The following SOCS6 variants were observed in gnomAD, a reference collection of about 807,000 sequenced individuals.
SOCS6 encodes STAT induced STAT inhibitor-4.
In SOCS6, 5 loss-of-function variants were observed where a neutral mutation model predicts 27.7. The ratio of observed to expected loss-of-function variants is 0.18; its 90% CI spans 0.09 to 0.38. SOCS6 has a LOEUF of 0.38. Ranked by LOEUF, SOCS6 falls within the 10% of genes least tolerant of loss-of-function variation. The pLI, the probability that SOCS6 is intolerant of heterozygous loss-of-function variation, is 1.00. For synonymous variants in SOCS6, 271 were observed against 260.0 expected (o/e 1.04, Z -0.41); for missense variants, 595 against 688.1 (o/e 0.86, Z 1.51).
chr18:70,309,306 G>A (rs11877812), intron 1 of SOCS6, among the ~76,000 whole-genome samples: 3,961 of 152,070 alleles, frequency 0.026, 197 homozygotes, highest in African/African-American at 0.089. Flanking sequence ...GCTGAATTTT[G>A]CCTGTGAACT....
intron 1 of SOCS6, chr18:70,296,729 G>A (rs2062324451): frequency 6.6e-6 from 1 of 152,168 alleles, no homozygotes; most frequent in African/African-American, 2.4e-5. Flanking sequence ...GGACTTTTGT[G>A]TTATTGCCTA....
intron 1 of SOCS6, among the ~76,000 whole-genome samples, chr18:70,290,159 A>G (rs2062292565): frequency 6.6e-6 from 1 of 152,222 alleles, no homozygotes; most frequent in Non-Finnish European, 1.5e-5. Flanking sequence ...AGAACACAGT[A>G]ATGACAGAAA....
At chr18:70,308,456 A>G (rs1274975028) in intron 1 of SOCS6, among the ~76,000 whole-genome samples, 1 of 151,270 alleles carries the variant, frequency 6.6e-6, no homozygotes, top group Non-Finnish European at 1.5e-5. Context: ...TCCTGGGCTC[A>G]TGTGATCCTC....
chr18:70,325,814 A>G lies in SOCS6; in HGVS notation c.1146A>G (p.Gln382=), dbSNP rs1449974294. 6.2e-7 allele frequency: 1 copy of G among 1,614,250 alleles called. No individual in the cohort carries two copies. The highest frequency in any genetic ancestry group is 8.5e-7 in the Non-Finnish European group (1 of 1,180,034). The part of the protein sequence containing the change: ...LTEELKKLAK[Q]GWYWGPITRW... ...AGGAGCTGAAAAAACTTGCAAAGCA[A>G]GGATGGTACTGGGGACCAATCACAC... The change falls in exon 2 of 2, where the codon CAA becomes CAG. Residue 382 remains glutamine (Q), a synonymous_variant. Coordinates refer to ENST00000397942, the MANE Select transcript of SOCS6 (RefSeq NM_004232.4). The surrounding 1 kb of genome is among the most constrained non-coding windows in gnomAD (Gnocchi z 6.3).
rs1911083401 is a variant in SOCS6, at chr18:70,323,862, G to A, written c.-126-681G>A. On this transcript the variant is annotated intron_variant, in intron 1 of 1. Transcript: ENST00000397942. ...ACAGGCTGGGACATGGCAGGCAGCG[G>A]AGGAGCAGTCGGAGTCAGTGCTGAA... Among the ~76,000 whole-genome samples the A allele has an allele frequency of 4.6e-5, 7 of 152,196 alleles. No homozygotes were observed. In the South Asian group the frequency reaches 1.4e-3, roughly 32 times the overall value.
intron 1 of SOCS6, among the ~76,000 whole-genome samples, chr18:70,303,902 T>C (rs1477548924): frequency 6.6e-6 from 1 of 152,226 alleles, no homozygotes; most frequent in Non-Finnish European, 1.5e-5. Flanking sequence ...AATAGTTTAA[T>C]TTGTATATCT....
At chr18:70,305,172 CA>C in intron 1 of SOCS6, among the ~76,000 whole-genome samples, 3 of 151,846 alleles carry the variant, frequency 2.0e-5, no homozygotes, top group Admixed American at 2.0e-4. Flanking sequence ...CGCGCCACTG[CA>C]CTCCAACCTG....
At chr18:70,296,803 A>G (rs1015525106) in intron 1 of SOCS6, 3 of 152,088 alleles carry the variant, frequency 2.0e-5, no homozygotes, top group Non-Finnish European at 2.9e-5. Flanking sequence ...TGTGCTGAGC[A>G]TTCCACAGAG....
At chr18:70,310,747 G>T (rs557658073) in intron 1 of SOCS6, among the ~76,000 whole-genome samples, 2 of 152,062 alleles carry the variant, frequency 1.3e-5, no homozygotes, top group South Asian at 4.1e-4. Flanking sequence ...CTCGTCTCCC[G>T]TCTCCTGTCT....
At chr18:70,319,065 T>TA (rs1316343271) in intron 1 of SOCS6, among the ~76,000 whole-genome samples, 1 of 152,206 alleles carries the variant, frequency 6.6e-6, no homozygotes, top group African/African-American at 2.4e-5. Context: ...GCCTACATCT[T>TA]ACCATATTTC....
At chr18:70,323,171 C>T (rs755196740) in intron 1 of SOCS6, among the ~76,000 whole-genome samples, 2 of 152,166 alleles carry the variant, frequency 1.3e-5, no homozygotes, top group Non-Finnish European at 2.9e-5. Flanking sequence ...TTTGGGAGGT[C>T]AGAATCTTGT....
At chr18:70,302,659 G>A (rs773697973) in intron 1 of SOCS6, among the ~76,000 whole-genome samples, 8 of 152,106 alleles carry the variant, frequency 5.3e-5, no homozygotes, top group Non-Finnish European at 2.9e-5. Context: ...TGGAATATAA[G>A]CTGAGTAGGA....
intron 1 of SOCS6, among the ~76,000 whole-genome samples, chr18:70,293,814 C>T (rs1034565034): frequency 4.6e-5 from 7 of 151,962 alleles, no homozygotes; most frequent in African/African-American, 1.4e-4. Flanking sequence ...ATGAGATAGC[C>T]GGGCGCGGTG....
At chr18:70,290,154 A>G (rs1028399962) in intron 1 of SOCS6, among the ~76,000 whole-genome samples, 2 of 152,250 alleles carry the variant, frequency 1.3e-5, no homozygotes, top group Non-Finnish European at 2.9e-5. Context: ...GACAGAGAAC[A>G]CAGTAATGAC....
intron 1 of SOCS6, among the ~76,000 whole-genome samples, chr18:70,309,476 AT>A (rs912029584): frequency 6.6e-6 from 1 of 152,024 alleles, no homozygotes; most frequent in Non-Finnish European, 1.5e-5. Context: ...TTAAGTGCAT[AT>A]TTTTTGGTGT....
intron 1 of SOCS6, among the ~76,000 whole-genome samples, chr18:70,302,141 G>C (rs1375113167): frequency 1.3e-5 from 2 of 152,184 alleles, no homozygotes; most frequent in East Asian, 3.9e-4. Flanking sequence ...TGGGGAAATT[G>C]TTGGGAGATT....
intron 1 of SOCS6, among the ~76,000 whole-genome samples, chr18:70,323,072 G>A (rs1184815321): frequency 6.6e-6 from 1 of 152,202 alleles, no homozygotes; most frequent in East Asian, 1.9e-4. Context: ...CCGAGTAGGG[G>A]CTTAGTAAAG....
chr18:70,297,285 T>C (rs937321220), intron 1 of SOCS6, among the ~76,000 whole-genome samples: 1 of 152,236 alleles, frequency 6.6e-6, no homozygotes, highest in African/African-American at 2.4e-5. Flanking sequence ...CTTTGTGATT[T>C]TCTTCGTTCC....
intron 1 of SOCS6, among the ~76,000 whole-genome samples, chr18:70,309,613 T>C (rs117428835): frequency 6.6e-6 from 1 of 152,182 alleles, no homozygotes; most frequent in Admixed American, 6.6e-5. Context: ...AAAATAATGC[T>C]ACCTTAATAC....
Sources: allele counts gnomAD v4.1 joint callset (sites outside exome capture counted in the v4.1 genomes callset), GRCh38; gene constraint gnomAD v4.1.1; non-coding constraint Gnocchi (gnomAD v3.1); transcripts MANE v1.5; gene names NCBI Gene and HGNC (gene_info 2026-07-23, HGNC 2026-07-21).